The following DMD variants were observed in gnomAD, a reference collection of about 807,000 sequenced individuals.
DMD encodes the protein mutant dystrophin.
DMD carries 63 observed loss-of-function variants against 330.1 expected under a neutral mutation model. The observed-to-expected ratio is 0.19, with a 90% CI of 0.16 to 0.24. The LOEUF (loss-of-function observed/expected upper bound fraction) is 0.24. DMD is among the 10% of genes least tolerant of loss of function. DMD has a pLI of 1.00. For synonymous variants in DMD, 1,223 were observed against 959.8 expected, an observed-to-expected ratio of 1.27 and a Z score of -5.07; for missense variants, 3,344 against 2,684.1, an observed-to-expected ratio of 1.25 and a Z score of -5.43.
At chrX:33,144,767 C>T (rs2047948603) in intron 1 of DMD, among the ~76,000 whole-genome samples, 1 of 111,435 alleles carries the variant, frequency 9.0e-6, no homozygotes, top group African/African-American at 3.3e-5. Context: ...CATAGATGCA[C>T]ACGCTCGCTA....
intron 17 of DMD, among the ~76,000 whole-genome samples, chrX:32,530,666 A>G (rs1248254585): frequency 8.9e-6 from 1 of 112,211 alleles, no homozygotes; most frequent in Non-Finnish European, 1.9e-5. Context: ...AAGGAGTGTG[A>G]AAACACGTGG....
At chrX:33,153,765 G>T (rs1046673165) in intron 1 of DMD, among the ~76,000 whole-genome samples, 1 of 111,963 alleles carries the variant, frequency 8.9e-6, no homozygotes, top group African/African-American at 3.2e-5. Flanking sequence ...ATCAATCAAG[G>T]TTTATCTATA....
chrX:32,592,676 A>G (rs1244508694), intron 13 of DMD, among the ~76,000 whole-genome samples: 1 of 112,315 alleles, frequency 8.9e-6, no homozygotes, highest in Non-Finnish European at 1.9e-5. Flanking sequence ...TAACACAAAC[A>G]GGGCTGAAAC....
chrX:33,228,278 A>AGTGTGTGTGTGTGTGTGT (rs60369848), intron 1 of DMD, among the ~76,000 whole-genome samples: 1 of 93,478 alleles, frequency 1.1e-5, no homozygotes, highest in African/African-American at 3.8e-5. Flanking sequence ...CCCAAGTTTA[A>AGTGTGTGTGTGTGTGTGT]GTGTGTGTGT....
intron 51 of DMD, 133 bp from the exon 52 acceptor site, chrX:31,729,881 G>A: frequency 2.0e-6 from 1 of 503,978 alleles, no homozygotes; most frequent in Middle Eastern, 4.4e-4. Flanking sequence ...ACTGTATAAG[G>A]GTTTATAGAA....
chrX:33,069,829 T>C (rs1487803379), intron 1 of DMD, among the ~76,000 whole-genome samples: 4 of 111,654 alleles, frequency 3.6e-5, no homozygotes, highest in East Asian at 2.8e-4. Flanking sequence ...AGGCAATATT[T>C]ACTTAAAATA....
At chrX:33,143,111 C>T (rs2047876559) in intron 1 of DMD, among the ~76,000 whole-genome samples, 1 of 111,333 alleles carries the variant, frequency 9.0e-6, no homozygotes, top group Non-Finnish European at 1.9e-5. Context: ...AAAACAAATG[C>T]TTTTCTATGT....
chrX:32,989,561 A>G (rs1746575644), intron 2 of DMD, among the ~76,000 whole-genome samples: 1 of 112,205 alleles, frequency 8.9e-6, no homozygotes, highest in Admixed American at 9.5e-5. Context: ...GAATGAAGAC[A>G]AAGCCTTTCT....
intron 45 of DMD, among the ~76,000 whole-genome samples, chrX:31,944,610 T>C (rs2095059753): frequency 1.9e-5 from 2 of 106,554 alleles, no homozygotes; most frequent in Non-Finnish European, 1.9e-5. Context: ...CCCGAGTAGC[T>C]GGGACTACAG....
chrX:32,789,734 A>G, intron 7 of DMD, among the ~76,000 whole-genome samples: 1 of 110,426 alleles, frequency 9.1e-6, no homozygotes, highest in Admixed American at 9.5e-5. Flanking sequence ...TGTACAAGAC[A>G]TAAGATAAAG....
chrX:32,423,621 A>C (rs2098199854), intron 29 of DMD, among the ~76,000 whole-genome samples: 1 of 110,845 alleles, frequency 9.0e-6, no homozygotes, highest in Non-Finnish European at 1.9e-5. Context: ...TCGGAAAAGT[A>C]AATATGACTG....
intron 68 of DMD, among the ~76,000 whole-genome samples, chrX:31,180,983 A>G (rs2041098142): frequency 8.9e-6 from 1 of 112,167 alleles, no homozygotes. Context: ...CGCTTTAATA[A>G]TGTTTTCTAA....
Position 31,219,508 on chromosome X carries a change from T to A in DMD, c.9361+3539A>T, listed in dbSNP as rs774261016. 3.6e-5 allele frequency among the ~76,000 whole-genome samples: 4 copies of A among 111,099 alleles called. No individual in the cohort carries two copies. The East Asian group carries it at 8.5e-4, about 24-fold the overall frequency. On this transcript the variant is annotated intron_variant, in intron 64 of 78. Transcript: ENST00000357033. The stretch of plus-strand genomic sequence containing the variant: ...ACTCCATACAAAAAATGGAAGCCTT[T>A]ATAGTAAGACATCCTTCACCTTGCT...
At chrX:32,759,916 T>C (rs181960552) in intron 7 of DMD, among the ~76,000 whole-genome samples, 1,107 of 108,559 alleles carry the variant, frequency 0.01, 12 homozygotes, top group African/African-American at 0.035. Flanking sequence ...CTAACAATTT[T>C]CCACTCAGAA....
intron 59 of DMD, among the ~76,000 whole-genome samples, chrX:31,454,688 A>G (rs1266660572): frequency 8.9e-6 from 1 of 111,825 alleles, no homozygotes; most frequent in Non-Finnish European, 1.9e-5. Context: ...AGAATTTGGC[A>G]TTTCTAATAA....
intron 2 of DMD, among the ~76,000 whole-genome samples, chrX:32,996,838 C>T (rs1026349518): frequency 2.7e-5 from 3 of 110,502 alleles, no homozygotes; most frequent in Non-Finnish European, 5.7e-5. Flanking sequence ...AACTAGCTTG[C>T]ATTTTATTGC....
At chrX:32,880,898 T>G (rs1316488516) in intron 2 of DMD, among the ~76,000 whole-genome samples, 2 of 112,655 alleles carry the variant, frequency 1.8e-5, no homozygotes, top group Non-Finnish European at 3.8e-5. Context: ...GAGCCGATAT[T>G]GCGCCATCGC....
In DMD at chrX:32,824,718, A is replaced by G. The variant is rs183656608; in HGVS notation, c.265-1331T>C. ...GGATTTACAAACCTACACACGTAATAATGTTGCATAGAACTAAATACACAC... is the reference window on the plus strand; with the variant it reads ...GGATTTACAAACCTACACACGTAATGATGTTGCATAGAACTAAATACACAC... On this transcript the variant is annotated intron_variant, in intron 4 of 78. Transcript: ENST00000357033. Among the ~76,000 whole-genome samples the G allele has an allele frequency of 3.6e-5, 4 of 112,088 alleles. No individual in the cohort carries two copies. In the Admixed American group the frequency reaches 3.8e-4, roughly 11 times the overall value.
intron 30 of DMD, among the ~76,000 whole-genome samples, chrX:32,408,420 T>G (rs1471954624): frequency 8.9e-6 from 1 of 112,304 alleles, no homozygotes; most frequent in Non-Finnish European, 1.9e-5. Context: ...TACATCTACT[T>G]TTATATATAA....
Sources: gnomAD v4.1 joint callset for allele counts (sites outside exome capture counted in the v4.1 genomes callset) on GRCh38, gnomAD v4.1.1 for gene constraint, MANE v1.5 for transcripts, NCBI Gene and HGNC (gene_info 2026-07-23, HGNC 2026-07-21) for gene names.